The following ALK variants were observed in gnomAD, a reference collection of about 807,000 sequenced individuals.
The protein encoded by ALK is ALK receptor tyrosine kinase.
In ALK, 74 loss-of-function variants were observed where a neutral mutation model predicts 163.1. That is an observed-to-expected ratio of 0.45 (90% CI 0.38 to 0.55). The LOEUF (loss-of-function observed/expected upper bound fraction) is 0.55. Among genes scored for constraint, ALK ranks in the 20% least tolerant of loss-of-function variants. The pLI is 0.00. For synonymous variants in ALK, 960 were observed against 843.2 expected (o/e 1.14, Z -2.40); for missense variants, 2,063 against 2,105.3 (o/e 0.98, Z 0.39).
In ALK at chr2:29,542,389, C is replaced by T. The variant is rs376143946; in HGVS notation, c.953-10273G>A. 2.0e-4 allele frequency among the ~76,000 whole-genome samples: 30 copies of T among 152,246 alleles called. 1 individual carries two copies. The highest frequency in any genetic ancestry group is 6.7e-4 in the African/African-American group (28 of 41,552). On this transcript the variant is annotated intron_variant, in intron 3 of 28. Coordinates refer to ENST00000389048, the MANE Select transcript of ALK (RefSeq NM_004304.5). ...TTGTATCAGTTGCTTTCTGGGCCTA[C>T]GGTACAGCTATTATTCTGAAATTTC... is the stretch of plus-strand genomic sequence containing the variant.
At chr2:29,759,936 G>A (rs1297595478) in intron 1 of ALK, among the ~76,000 whole-genome samples, 2 of 152,270 alleles carry the variant, frequency 1.3e-5, no homozygotes, top group South Asian at 2.1e-4. Context: ...ACTGTACACT[G>A]GGAACAGCTG....
intron 1 of ALK, among the ~76,000 whole-genome samples, chr2:29,772,564 G>T (rs1182882270): frequency 6.6e-6 from 1 of 152,126 alleles, no homozygotes; most frequent in Non-Finnish European, 1.5e-5. Flanking sequence ...GAATTCCATG[G>T]AAAGGGTTTA....
intron 1 of ALK, among the ~76,000 whole-genome samples, chr2:29,909,436 G>A (rs984898486): frequency 4.0e-5 from 6 of 149,408 alleles, no homozygotes; most frequent in African/African-American, 1.5e-4. Context: ...AACCAGAGAA[G>A]GCACAACTAG....
In ALK at chr2:29,233,448, G is replaced by T; in HGVS notation, c.2487+117C>A. 6 of 1,479,642 alleles carry T rather than the reference G, an allele frequency of 4.1e-6. No individual in the cohort carries two copies. The East Asian group carries it at 1.4e-4, about 33-fold the overall frequency. 91.7% of individuals were successfully genotyped at this position (1,479,642 alleles called of 1,614,324 possible). Reference sequence around the variant, plus strand: ...GGAATGAGCCACTGTACCTGGCCCTGCTCATCTTTACACGGGGATAAGAGC... The same window carrying T: ...GGAATGAGCCACTGTACCTGGCCCTTCTCATCTTTACACGGGGATAAGAGC... On this transcript the variant is annotated intron_variant, in intron 14 of 28. Coordinates refer to ENST00000389048, the MANE Select transcript of ALK (RefSeq NM_004304.5).
In ALK at chr2:29,670,303, G is replaced by C. The variant is rs143368150; in HGVS notation, c.952+24547C>G. 8.1e-3 allele frequency among the ~76,000 whole-genome samples: 1,228 copies of C among 152,138 alleles called. 15 individuals are homozygous for C. Among genetic ancestry groups the C allele is most frequent in the South Asian group, 0.044 (213 of 4,824 alleles). On this transcript the variant is annotated intron_variant, in intron 3 of 28. Transcript: ENST00000389048. The stretch of plus-strand genomic sequence containing the variant: ...CTGAGCACAGTATTCTTGGAAGGCA[G>C]AATTTTTTTCCTTTGGGCACTTTGA...
intron 3 of ALK, among the ~76,000 whole-genome samples, chr2:29,619,492 G>C (rs1675966011): frequency 6.6e-6 from 1 of 152,138 alleles, no homozygotes; most frequent in Non-Finnish European, 1.5e-5. Context: ...AGAGCTGAGG[G>C]TGTTGCCTTC....
chr2:29,357,528 T>C (rs1387767456), intron 5 of ALK, among the ~76,000 whole-genome samples: 1 of 152,234 alleles, frequency 6.6e-6, no homozygotes, highest in African/African-American at 2.4e-5. Flanking sequence ...TGGCAAACTT[T>C]CACGGCAGAT....
At chr2:29,294,505 T>C (rs1666125609) in intron 9 of ALK, among the ~76,000 whole-genome samples, 1 of 152,202 alleles carries the variant, frequency 6.6e-6, no homozygotes, top group African/African-American at 2.4e-5. Flanking sequence ...AACAAGCACT[T>C]TACTTCTCCA....
chr2:29,283,187 G>A (rs567985178), intron 9 of ALK, among the ~76,000 whole-genome samples: 33 of 152,282 alleles, frequency 2.2e-4, no homozygotes, highest in Admixed American at 1.5e-3. Flanking sequence ...AGATAGTAGC[G>A]GATGTGGGAT....
intron 1 of ALK, among the ~76,000 whole-genome samples, chr2:29,913,013 T>C (rs1042188056): frequency 1.3e-5 from 2 of 152,222 alleles, no homozygotes; most frequent in Non-Finnish European, 2.9e-5. Context: ...CTGCCTAGAT[T>C]TCCCTTGTCC....
intron 2 of ALK, among the ~76,000 whole-genome samples, chr2:29,710,031 C>A (rs1428047715): frequency 6.6e-6 from 1 of 152,142 alleles, no homozygotes; most frequent in African/African-American, 2.4e-5. Context: ...ATGGGAGGGA[C>A]CCTGTGCAAG....
chr2:29,439,979 C>T (rs577310247), intron 4 of ALK, among the ~76,000 whole-genome samples: 1 of 152,246 alleles, frequency 6.6e-6, no homozygotes, highest in African/African-American at 2.4e-5. Flanking sequence ...CGCCTGTAAT[C>T]CCAGCACTTT....
chr2:29,500,096 T>C (rs1454969286), intron 4 of ALK, among the ~76,000 whole-genome samples: 4 of 152,182 alleles, frequency 2.6e-5, no homozygotes, highest in African/African-American at 9.7e-5. Flanking sequence ...TGGCCATGAT[T>C]TCCGATCCCA....
chr2:29,697,520 A>G (rs1444852548), intron 2 of ALK, among the ~76,000 whole-genome samples: 20 of 152,170 alleles, frequency 1.3e-4, no homozygotes, highest in Admixed American at 1.3e-3. Context: ...AAGTGGCTGA[A>G]GAACTTTGCC....
chr2:29,830,955 A>AAAGAAGAAGAAGAAGAAGAAGAAGAAG lies in ALK; in HGVS notation c.667+89011_667+89037dup, dbSNP rs1161936241. On this transcript the variant is annotated intron_variant, in intron 1 of 28. Coordinates refer to ENST00000389048, the MANE Select transcript of ALK (RefSeq NM_004304.5). ...GAAGAAGAAGAAGAAAAGAAGAAGAAAAGAAGAAGAAGAAGAAGAAGAAGA... is the reference window on the plus strand; with the variant it reads ...GAAGAAGAAGAAGAAAAGAAGAAGAAAAGAAGAAGAAGAAGAAGAAGAAGAAGAAGAAGAAGAAGAAGAAGAAGAAGA... Among the ~76,000 whole-genome samples, 56 of 27,744 alleles carry AAAGAAGAAGAAGAAGAAGAAGAAGAAG rather than the reference A, an allele frequency of 2.0e-3. 2 individuals are homozygous for AAAGAAGAAGAAGAAGAAGAAGAAGAAG. The highest frequency in any genetic ancestry group is 6.1e-3 in the African/African-American group (51 of 8,410). The allele number at this position is 27,744 out of a possible 152,430, so 18.2% of individuals were successfully genotyped here.
chr2:29,822,660 C>T (rs1665081815), intron 1 of ALK, among the ~76,000 whole-genome samples: 1 of 152,200 alleles, frequency 6.6e-6, no homozygotes, highest in African/African-American at 2.4e-5. Context: ...CAAAAGGATT[C>T]CTTCCATCTC....
chr2:29,452,177 G>T (rs1670835620), intron 4 of ALK, among the ~76,000 whole-genome samples: 1 of 152,046 alleles, frequency 6.6e-6, no homozygotes, highest in African/African-American at 2.4e-5. Flanking sequence ...CCTCCTCCTT[G>T]TCTTCTACAC....
At chr2:29,916,560 GA>G (rs1667840184) in intron 1 of ALK, among the ~76,000 whole-genome samples, 1 of 152,176 alleles carries the variant, frequency 6.6e-6, no homozygotes, top group Admixed American at 6.5e-5. Context: ...GCCCACTCCA[GA>G]AATGAAATGG....
chr2:29,508,107 A>G (rs575658682), intron 4 of ALK, among the ~76,000 whole-genome samples: 107 of 152,164 alleles, frequency 7.0e-4, no homozygotes, highest in African/African-American at 2.5e-3. Flanking sequence ...AGAAACTGCC[A>G]CCCTACAGGG....
Sources: gnomAD v4.1 joint callset for allele counts (sites outside exome capture counted in the v4.1 genomes callset) on GRCh38, gnomAD v4.1.1 for gene constraint, MANE v1.5 for transcripts, NCBI Gene and HGNC (gene_info 2026-07-23, HGNC 2026-07-21) for gene names.